Variants in FLRT1 observed in about 807,000 individuals in gnomAD.
FLRT1 encodes fibronectin leucine rich transmembrane protein 1.
FLRT1 carries 14 observed loss-of-function variants against 30.9 expected under a neutral mutation model. That is an observed-to-expected ratio of 0.45 (90% CI 0.30 to 0.71). The LOEUF is 0.71. Ranked by LOEUF, FLRT1 falls within the 30% of genes least tolerant of loss-of-function variation. The pLI is 0.08. For missense variants in FLRT1, 737 were observed against 949.2 expected, an observed-to-expected ratio of 0.78 and a Z score of 2.94; for synonymous variants, 368 against 430.4, an observed-to-expected ratio of 0.85 and a Z score of 1.80.
intron 1 of FLRT1, among the ~76,000 whole-genome samples, chr11:64,069,707 G>A (rs1441390850): frequency 6.6e-6 from 1 of 152,152 alleles, no homozygotes; most frequent in East Asian, 1.9e-4. Context: ...GGCGGTGGTG[G>A]GGCTGGTGAC....
chr11:64,097,968 G>A, intron 1 of FLRT1, among the ~76,000 whole-genome samples: 1 of 152,040 alleles, frequency 6.6e-6, no homozygotes, highest in East Asian at 1.9e-4. Flanking sequence ...ACCCAGGCCT[G>A]TCTTCAGGGA....
chr11:64,085,623 C>T (rs1309967950), intron 1 of FLRT1, among the ~76,000 whole-genome samples: 4 of 152,236 alleles, frequency 2.6e-5, no homozygotes, highest in Admixed American at 2.6e-4. Context: ...AGCCTTGTTC[C>T]TCTGCCCCAC....
At chr11:64,105,116 C>T (rs776682726) in intron 2 of FLRT1, among the ~76,000 whole-genome samples, 21 of 152,228 alleles carry the variant, frequency 1.4e-4, no homozygotes, top group Non-Finnish European at 2.8e-4. Flanking sequence ...TATTAGCCAC[C>T]GGTGTGAAAG....
chr11:64,068,052 A>T (rs572547735), intron 1 of FLRT1, among the ~76,000 whole-genome samples: 1 of 152,386 alleles, frequency 6.6e-6, no homozygotes, highest in East Asian at 1.9e-4. Context: ...TGCCTCACAG[A>T]TAAATACATT....
intron 2 of FLRT1, among the ~76,000 whole-genome samples, chr11:64,115,233 A>G (rs1944955897): frequency 6.6e-6 from 1 of 152,214 alleles, no homozygotes; most frequent in South Asian, 2.1e-4. Context: ...CACTATGAAC[A>G]GTAAAATAAT....
At chr11:64,113,700 TGGAC>T (rs1944907018) in intron 2 of FLRT1, among the ~76,000 whole-genome samples, 2 of 147,198 alleles carry the variant, frequency 1.4e-5, no homozygotes, top group East Asian at 2.1e-4. Flanking sequence ...GGTGGATGGA[TGGAC>T]GGACAGGTGG....
intron 2 of FLRT1, among the ~76,000 whole-genome samples, chr11:64,113,313 C>T (rs1394740356): frequency 6.6e-6 from 1 of 152,222 alleles, no homozygotes; most frequent in Non-Finnish European, 1.5e-5. Flanking sequence ...GTGGCTACAA[C>T]AGGGCCTGGA....
chr11:64,049,344 G>C (rs375325068), intron 1 of FLRT1, among the ~76,000 whole-genome samples: 149 of 152,324 alleles, frequency 9.8e-4, no homozygotes, highest in Admixed American at 2.5e-3. Context: ...ATGCCCAAAG[G>C]CTGTGCTGTT....
intron 1 of FLRT1, among the ~76,000 whole-genome samples, chr11:64,099,874 G>C (rs1944641456): frequency 6.6e-6 from 1 of 150,826 alleles, no homozygotes; most frequent in East Asian, 2.0e-4. Context: ...GTGAGATGGA[G>C]GGATCGAGAA....
Position 64,118,439 on chromosome 11 carries a change from C to T in FLRT1, c.*147C>T. 1 of 988,258 alleles carries T rather than the reference C, an allele frequency of 1.0e-6. No individual in the cohort carries two copies. Among genetic ancestry groups the T allele is most frequent in the Non-Finnish European group, 1.4e-6 (1 of 713,028 alleles). 61.2% of individuals were successfully genotyped at this position (988,258 alleles called of 1,614,324 possible). On this transcript the variant is annotated 3_prime_UTR_variant, in exon 3 of 3. Transcript: ENST00000682287. The stretch of plus-strand genomic sequence containing the variant: ...CGCAGAAAGCAAAGTTTGGGGAGGG[C>T]TGACGATTTTGTAGAACACAACAGT...
At chr11:64,079,820 G>T (rs1944272923) in intron 1 of FLRT1, among the ~76,000 whole-genome samples, 1 of 152,124 alleles carries the variant, frequency 6.6e-6, no homozygotes, top group South Asian at 2.1e-4. Flanking sequence ...GGGACCACTT[G>T]GACCCCAGGA....
intron 1 of FLRT1, among the ~76,000 whole-genome samples, chr11:64,038,622 G>A (rs1440090937): frequency 6.6e-6 from 1 of 152,178 alleles, no homozygotes; most frequent in East Asian, 1.9e-4. Context: ...GGGGCTAGCA[G>A]CCCCCTCCCC....
intron 1 of FLRT1, among the ~76,000 whole-genome samples, chr11:64,069,556 C>T (rs1285432877): frequency 6.6e-6 from 1 of 152,196 alleles, no homozygotes; most frequent in African/African-American, 2.4e-5. Context: ...GGGGCTCTCC[C>T]TGCCCGTGTG....
At chr11:64,042,285 C>T (rs1438238903) in intron 1 of FLRT1, among the ~76,000 whole-genome samples, 1 of 152,154 alleles carries the variant, frequency 6.6e-6, no homozygotes, top group Non-Finnish European at 1.5e-5. Context: ...ATCTCACCCC[C>T]ACCTCTGGAA....
At chr11:64,113,854 G>C (rs1944910510) in intron 2 of FLRT1, among the ~76,000 whole-genome samples, 1 of 146,824 alleles carries the variant, frequency 6.8e-6, no homozygotes, top group African/African-American at 2.5e-5. Flanking sequence ...ATGGACAGCT[G>C]GATGTATGGA....
At chr11:64,065,544 C>T (rs192549861) in intron 1 of FLRT1, among the ~76,000 whole-genome samples, 9 of 152,272 alleles carry the variant, frequency 5.9e-5, no homozygotes, top group Admixed American at 5.9e-4. Flanking sequence ...AATCCCAGCA[C>T]TTTGGGAGGC....
intron 1 of FLRT1, among the ~76,000 whole-genome samples, chr11:64,094,624 C>T (rs898514072): frequency 2.0e-5 from 3 of 152,176 alleles, no homozygotes; most frequent in Non-Finnish European, 4.4e-5. Context: ...GGGTCGCGTA[C>T]GTCATGGGGC....
intron 2 of FLRT1, among the ~76,000 whole-genome samples, chr11:64,108,507 C>T (rs764543097): frequency 2.6e-5 from 4 of 152,196 alleles, no homozygotes; most frequent in Non-Finnish European, 5.9e-5. Context: ...TGGCCCTCTT[C>T]CCTCTGTCTT....
chr11:64,062,753 C>T (rs921775536), intron 1 of FLRT1, among the ~76,000 whole-genome samples: 1 of 152,180 alleles, frequency 6.6e-6, no homozygotes, highest in African/African-American at 2.4e-5. Flanking sequence ...CCCCAGATGC[C>T]CACCCCAAAA....
Sources: allele counts gnomAD v4.1 joint callset (sites outside exome capture counted in the v4.1 genomes callset), GRCh38; gene constraint gnomAD v4.1.1; transcripts MANE v1.5; gene names NCBI Gene and HGNC (gene_info 2026-07-23, HGNC 2026-07-21).